Variants in CLASP1 observed in about 807,000 individuals in gnomAD.
CLASP1 encodes CLIP-associating protein 1.
A neutral mutation model predicts 192.3 loss-of-function variants in CLASP1; 38 were observed. The observed-to-expected ratio is 0.20, with a 90% CI of 0.15 to 0.26. The LOEUF is 0.26. Among genes scored for constraint, CLASP1 ranks in the 10% least tolerant of loss-of-function variants. The probability of loss-of-function intolerance (pLI) is 1.00; values close to 1 mark genes in which losing one functional copy is unlikely to be tolerated. For missense variants in CLASP1, 1,433 were observed against 1,932.5 expected (o/e 0.74, Z 4.85); for synonymous variants, 691 against 712.8 (o/e 0.97, Z 0.49).
At chr2:121,494,142 T>G (rs2093433760) in intron 8 of CLASP1, among the ~76,000 whole-genome samples, 1 of 152,204 alleles carries the variant, frequency 6.6e-6, no homozygotes, top group Admixed American at 6.5e-5. Context: ...AAGAGATACC[T>G]GCACTGCCAT....
intron 22 of CLASP1, among the ~76,000 whole-genome samples, chr2:121,421,683 C>T (rs906417170): frequency 6.6e-6 from 1 of 152,200 alleles, no homozygotes; most frequent in Admixed American, 6.5e-5. Flanking sequence ...GCTGGGATTA[C>T]AGGCACGCAC....
chr2:121,623,480 G>GT (rs1310145303), intron 1 of CLASP1, among the ~76,000 whole-genome samples: 3 of 152,208 alleles, frequency 2.0e-5, no homozygotes, highest in Non-Finnish European at 4.4e-5. Context: ...AAAGAATACT[G>GT]TTCTGTAGTT....
At chr2:121,548,952 G>C (rs893363198) in intron 2 of CLASP1, among the ~76,000 whole-genome samples, 1 of 152,106 alleles carries the variant, frequency 6.6e-6, no homozygotes, top group African/African-American at 2.4e-5. Flanking sequence ...AGAAAGGAAA[G>C]ATCACTACCA....
intron 8 of CLASP1, among the ~76,000 whole-genome samples, chr2:121,494,988 C>T (rs1431203476): frequency 6.6e-6 from 1 of 151,838 alleles, no homozygotes; most frequent in Non-Finnish European, 1.5e-5. Flanking sequence ...CACCACTGCA[C>T]TCCAGCCTGG....
At chr2:121,357,942 C>A (rs1216392226) in intron 37 of CLASP1, among the ~76,000 whole-genome samples, 8 of 152,180 alleles carry the variant, frequency 5.3e-5, no homozygotes. Flanking sequence ...CCCTAAGGAA[C>A]TCTTCCTTGA....
At chr2:121,615,518 C>T (rs577364639) in intron 1 of CLASP1, among the ~76,000 whole-genome samples, 16 of 152,056 alleles carry the variant, frequency 1.1e-4, no homozygotes, top group African/African-American at 3.1e-4. Flanking sequence ...AAAAACAGGT[C>T]GGGTGCGGTG....
chr2:121,606,371 C>T (rs2064413931), intron 1 of CLASP1, among the ~76,000 whole-genome samples, 191 bp from the exon 2 acceptor site: 1 of 152,168 alleles, frequency 6.6e-6, no homozygotes, highest in South Asian at 2.1e-4. Flanking sequence ...GGAAGAACAT[C>T]GAAGCCCAAA....
intron 19 of CLASP1, among the ~76,000 whole-genome samples, chr2:121,445,163 A>T (rs571084852): frequency 1.3e-5 from 2 of 152,376 alleles, no homozygotes; most frequent in East Asian, 3.8e-4. Context: ...TTAACATAGC[A>T]TAATGGTTTT....
chr2:121,434,149 T>C (rs2149677045), intron 19 of CLASP1, among the ~76,000 whole-genome samples: 1 of 152,354 alleles, frequency 6.6e-6, no homozygotes, highest in East Asian at 1.9e-4. Context: ...ACTACTCACA[T>C]TGCTTGTTTC....
rs548306770 is a variant in CLASP1, at chr2:121,558,934, C to T, written c.196-28609G>A. 1.0e-3 allele frequency among the ~76,000 whole-genome samples: 152 copies of T among 152,310 alleles called. 1 individual carries two copies. Among genetic ancestry groups the T allele is most frequent in the African/African-American group, 3.3e-3 (138 of 41,560 alleles). Reference sequence around the variant, plus strand: ...TGCAAACTGAAGCTTTCAACCTGGCCTGGGAACCTTAAGAATATTTTATGA... The same window carrying T: ...TGCAAACTGAAGCTTTCAACCTGGCTTGGGAACCTTAAGAATATTTTATGA... On this transcript the variant is annotated intron_variant, in intron 2 of 39. Transcript: ENST00000263710.
intron 2 of CLASP1, among the ~76,000 whole-genome samples, chr2:121,597,076 T>C (rs538106945): frequency 3.6e-4 from 55 of 152,316 alleles, no homozygotes; most frequent in Non-Finnish European, 5.9e-4. Flanking sequence ...TTTTCCCTAC[T>C]GTGTAAGTAC....
At position 121,439,630 on chromosome 2, in the gene CLASP1, C is replaced by T. The variant is rs1331636062; in HGVS notation, c.1912+7707G>A. ...GTTGTTCAGTTTCCATATAGTTGAG[C>T]GGTTTTGAGTTTATTGCGGCATTAT... is the stretch of plus-strand genomic sequence containing the variant. On this transcript the variant is annotated intron_variant, in intron 19 of 39. Coordinates refer to ENST00000263710, the Ensembl canonical transcript of CLASP1. 2.6e-5 allele frequency among the ~76,000 whole-genome samples: 4 copies of T among 152,088 alleles called. No individual in the cohort carries two copies. The South Asian group carries it at 6.3e-4, about 24-fold the overall frequency.
At position 121,451,776 on chromosome 2, in the gene CLASP1, A is replaced by C; in HGVS notation, c.1445+14T>G. 6.4e-7 allele frequency: 1 copy of C among 1,566,676 alleles called. No individual in the cohort carries two copies. Among genetic ancestry groups the C allele is most frequent in the African/African-American group, 1.4e-5 (1 of 73,882 alleles). Reference sequence around the variant, plus strand: ...CAATTCAGAGGGAAAAATGGTTTCAAATCAGATGCTCACCGTTCTAGTGAA... The same window carrying C: ...CAATTCAGAGGGAAAAATGGTTTCACATCAGATGCTCACCGTTCTAGTGAA... On this transcript the variant is annotated intron_variant, in intron 15 of 39. Coordinates refer to ENST00000263710, the Ensembl canonical transcript of CLASP1.
chr2:121,388,879 G>A (rs1162601269), intron 30 of CLASP1, among the ~76,000 whole-genome samples: 1 of 152,132 alleles, frequency 6.6e-6, no homozygotes, highest in Admixed American at 6.5e-5. Context: ...TCCAAAGACT[G>A]TAGTTTTTAA....
intron 8 of CLASP1, among the ~76,000 whole-genome samples, chr2:121,482,359 C>A (rs2092661307): frequency 6.6e-6 from 1 of 152,076 alleles, no homozygotes; most frequent in South Asian, 2.1e-4. Context: ...CAAGTCATGT[C>A]CAGGAGTTAG....
chr2:121,361,650 T>G (rs931024714), intron 37 of CLASP1, among the ~76,000 whole-genome samples: 3 of 152,190 alleles, frequency 2.0e-5, no homozygotes, highest in Non-Finnish European at 2.9e-5. Context: ...ATGTGTGGCC[T>G]AAGACAATTC....
chr2:121,430,113 G>C, exon 20 of CLASP1: 1 of 1,577,174 alleles, frequency 6.3e-7, no homozygotes, highest in Non-Finnish European at 8.6e-7. Context: ...TGCGGCCCCG[G>C]TTATCAGGTG....
chr2:121,403,101 G>A (rs1010038443), intron 26 of CLASP1, among the ~76,000 whole-genome samples: 1 of 152,124 alleles, frequency 6.6e-6, no homozygotes, highest in Non-Finnish European at 1.5e-5. Context: ...CAAAGTGCTG[G>A]GATTACAGGT....
chr2:121,489,634 C>T (rs1257044936), intron 8 of CLASP1, among the ~76,000 whole-genome samples: 1 of 152,238 alleles, frequency 6.6e-6, no homozygotes, highest in Non-Finnish European at 1.5e-5. Flanking sequence ...CCTGTTTACA[C>T]AGAATCTTTT....
Sources: gnomAD v4.1 joint callset for allele counts (sites outside exome capture counted in the v4.1 genomes callset) on GRCh38, gnomAD v4.1.1 for gene constraint, MANE v1.5 for transcripts, NCBI Gene and HGNC (gene_info 2026-07-23, HGNC 2026-07-21) for gene names.